The following EHBP1 variants were observed in gnomAD, a reference collection of about 807,000 sequenced individuals.
EHBP1 encodes the protein EH domain binding protein 1.
EHBP1 carries 55 observed loss-of-function variants against 144.0 expected under a neutral mutation model. That is an observed-to-expected ratio of 0.38 (90% CI 0.31 to 0.48). The LOEUF is 0.48. Among genes scored for constraint, EHBP1 ranks in the 20% least tolerant of loss-of-function variants. The pLI is 0.98. For missense variants in EHBP1, 1,200 were observed against 1,364.2 expected (o/e 0.88, Z 1.90); for synonymous variants, 469 against 472.7 (o/e 0.99, Z 0.10).
chr2:62,910,096 C>T (rs2054101662), intron 10 of EHBP1, among the ~76,000 whole-genome samples: 2 of 152,104 alleles, frequency 1.3e-5, no homozygotes, highest in African/African-American at 4.8e-5. Context: ...GTATCCCCTA[C>T]TCTAGGTGAT....
intron 2 of EHBP1, among the ~76,000 whole-genome samples, chr2:62,709,959 G>T (rs903927771): frequency 4.6e-5 from 7 of 151,992 alleles, no homozygotes; most frequent in Admixed American, 1.3e-4. Context: ...CACATGAAGG[G>T]GCTTTAGCAA....
intron 17 of EHBP1, 66 bp downstream of exon 17, chr2:62,993,734 TA>T: frequency 1.4e-6 from 1 of 717,988 alleles, no homozygotes; most frequent in Non-Finnish European, 1.9e-6. Flanking sequence ...CTATATATAG[TA>T]TATATATATA....
intron 10 of EHBP1, among the ~76,000 whole-genome samples, chr2:62,917,123 C>G (rs114282078): frequency 0.011 from 1,670 of 152,174 alleles, 13 homozygotes; most frequent in Non-Finnish European, 0.02. Context: ...TGGCCTATTG[C>G]TGTTAGGCTA....
intron 8 of EHBP1, among the ~76,000 whole-genome samples, chr2:62,860,336 A>AGC (rs1407803709): frequency 1.3e-5 from 2 of 152,176 alleles, no homozygotes; most frequent in Admixed American, 1.3e-4. Context: ...CTAAAAATAT[A>AGC]AAAAGTTAGC....
chr2:62,976,614 T>G (rs983930516), intron 14 of EHBP1, among the ~76,000 whole-genome samples: 2 of 152,232 alleles, frequency 1.3e-5, no homozygotes, highest in Non-Finnish European at 2.9e-5. Flanking sequence ...TTTCCTCTTA[T>G]GTACGTATAG....
At chr2:62,700,313 T>G (rs534317511) in intron 1 of EHBP1, among the ~76,000 whole-genome samples, 11 of 152,348 alleles carry the variant, frequency 7.2e-5, no homozygotes, top group Admixed American at 5.9e-4. Flanking sequence ...ATTTTCCCAT[T>G]ACTCAACCTA....
chr2:62,866,405 G>A (rs2050042476), intron 9 of EHBP1, among the ~76,000 whole-genome samples: 1 of 152,198 alleles, frequency 6.6e-6, no homozygotes, highest in Non-Finnish European at 1.5e-5. Flanking sequence ...GACCCATAAT[G>A]AGGAGAAAAC....
intron 5 of EHBP1, among the ~76,000 whole-genome samples, chr2:62,806,086 C>T (rs1425627581): frequency 1.3e-5 from 2 of 151,980 alleles, no homozygotes. Context: ...CTCAAGTGAT[C>T]ATCCTGCCTC....
intron 5 of EHBP1, among the ~76,000 whole-genome samples, chr2:62,800,215 G>C (rs540232511): frequency 5.5e-4 from 84 of 152,088 alleles, no homozygotes; most frequent in African/African-American, 1.9e-3. Flanking sequence ...ACCCTAAATG[G>C]TCCTCATGTA....
Position 62,753,790 on chromosome 2 carries a change from A to G in EHBP1, c.162+6338A>G, listed in dbSNP as rs548569303. On this transcript the variant is annotated intron_variant, in intron 3 of 22. Transcript: ENST00000431489. Reference sequence around the variant, plus strand: ...TTTCTTCCAGTTGATTGAATCGGCTACTGAAGCTTGTGCATTTGTCACGTA... The same window carrying G: ...TTTCTTCCAGTTGATTGAATCGGCTGCTGAAGCTTGTGCATTTGTCACGTA... 5.3e-5 allele frequency among the ~76,000 whole-genome samples: 8 copies of G among 152,308 alleles called. No individual in the cohort carries two copies. In the East Asian group the frequency reaches 1.5e-3, roughly 29 times the overall value.
intron 5 of EHBP1, among the ~76,000 whole-genome samples, chr2:62,794,119 CTCTTT>C (rs1035414808): frequency 1.3e-5 from 2 of 152,066 alleles, no homozygotes; most frequent in African/African-American, 4.8e-5. Flanking sequence ...GCCTTTTCTT[CTCTTT>C]TCTTTAGTGG....
intron 13 of EHBP1, among the ~76,000 whole-genome samples, chr2:62,951,539 G>GC (rs1169495207): frequency 7.0e-6 from 1 of 142,382 alleles, no homozygotes; most frequent in East Asian, 2.1e-4. Flanking sequence ...TTTTTTGGGG[G>GC]GGGGGGGTGG....
At chr2:62,745,853 A>G (rs991138230) in intron 2 of EHBP1, among the ~76,000 whole-genome samples, 1 of 152,130 alleles carries the variant, frequency 6.6e-6, no homozygotes, top group African/African-American at 2.4e-5. Context: ...AAAATAAAAT[A>G]GAATACTCTT....
At chr2:62,994,217 TCAGGGC>T in intron 18 of EHBP1, 1 of 257,098 alleles carries the variant, frequency 3.9e-6, no homozygotes. Context: ...GACATTTCCA[TCAGGGC>T]ACTTCCCATA....
chr2:62,834,774 A>G (rs72888973), intron 7 of EHBP1, among the ~76,000 whole-genome samples: 351 of 152,334 alleles, frequency 2.3e-3, no homozygotes, highest in African/African-American at 8.1e-3. Flanking sequence ...TCAGCCAAAC[A>G]CATGGAAAAT....
chr2:62,979,154 A>G (rs766651600), intron 14 of EHBP1, 34 bp from the exon 15 acceptor site: 10 of 1,578,676 alleles, frequency 6.3e-6, no homozygotes, highest in South Asian at 1.2e-5. Flanking sequence ...ATTTCTGTCA[A>G]TTACTGAGTT....
chr2:62,874,532 G>A lies in EHBP1; in HGVS notation c.1185G>A (p.Lys395=). 6.3e-7 allele frequency: 1 copy of A among 1,584,918 alleles called. No individual in the cohort carries two copies. Among genetic ancestry groups the A allele is most frequent in the Non-Finnish European group, 8.6e-7 (1 of 1,166,922 alleles). The change falls in exon 10 of 23, where the codon AAG becomes AAA. Residue 395 remains lysine, a splice_region_variant and synonymous_variant. Coordinates refer to ENST00000431489, the MANE Select transcript of EHBP1 (RefSeq NM_001142616.3). ...GAAAAGATCTCTCTACTTCTCCTAAGGTAGGATTTTATTCATAGTAAAACA... is the reference window on the plus strand; with the variant it reads ...GAAAAGATCTCTCTACTTCTCCTAAAGTAGGATTTTATTCATAGTAAAACA... ...SAGKDLSTSP[K]PSPIPSPVLG...
intron 10 of EHBP1, among the ~76,000 whole-genome samples, chr2:62,906,304 ATC>A (rs1269251069): frequency 1.3e-5 from 2 of 152,102 alleles, no homozygotes; most frequent in African/African-American, 4.8e-5. Flanking sequence ...TGTCCCAGTG[ATC>A]TGTTTGTCTA....
At chr2:62,750,540 T>C (rs1044222490) in intron 3 of EHBP1, among the ~76,000 whole-genome samples, 6 of 152,106 alleles carry the variant, frequency 3.9e-5, no homozygotes, top group African/African-American at 1.4e-4. Context: ...GGTAGCTTGA[T>C]GGGATGGCAT....
Sources: gnomAD v4.1 joint callset for allele counts (sites outside exome capture counted in the v4.1 genomes callset) on GRCh38, gnomAD v4.1.1 for gene constraint, MANE v1.5 for transcripts, NCBI Gene and HGNC (gene_info 2026-07-23, HGNC 2026-07-21) for gene names.